AKAP8L: variants seen among roughly 807,000 people sequenced by gnomAD.
The protein encoded by AKAP8L is A-kinase anchoring protein 8 like.
In AKAP8L, 34 loss-of-function variants were observed where a neutral mutation model predicts 77.5. The ratio of observed to expected loss-of-function variants is 0.44; its 90% CI spans 0.33 to 0.58. AKAP8L has a LOEUF of 0.58. Ranked by LOEUF, AKAP8L falls within the 20% of genes least tolerant of loss-of-function variation. The pLI is 0.02. For missense variants in AKAP8L, 806 were observed against 887.6 expected (o/e 0.91, Z 1.17); for synonymous variants, 342 against 340.7 (o/e 1.00, Z -0.04).
Position 15,400,523 on chromosome 19 carries a change from A to G in AKAP8L, c.985-165T>C, listed in dbSNP as rs1465848653. ...GGCCCAGAGTAGCCCAGTTATTTAC[A>G]ATGGCTTTAAATGACAAGGCCCGGC... is the stretch of plus-strand genomic sequence containing the variant. On this transcript the variant is annotated intron_variant, in intron 7 of 13. Transcript: ENST00000397410. The G allele has an allele frequency of 8.0e-6, 6 of 746,076 alleles. No homozygotes were observed. The Admixed American group carries it at 1.7e-4, about 21-fold the overall frequency. 46.2% of individuals were successfully genotyped at this position (746,076 alleles called of 1,614,324 possible).
intron 12 of AKAP8L, among the ~76,000 whole-genome samples, chr19:15,384,852 T>C (rs1462593168): frequency 6.6e-6 from 1 of 152,198 alleles, no homozygotes. Context: ...GTTTGCATTA[T>C]ACCAATAATA....
chr19:15,400,460 G>T, intron 7 of AKAP8L, 102 bp from the exon 8 acceptor site: 1 of 1,191,150 alleles, frequency 8.4e-7, no homozygotes, highest in Non-Finnish European at 1.2e-6. Context: ...ACAGCTGCTT[G>T]CTCCATAGAC....
rs1369370460 is a variant in AKAP8L at position 15,399,038 on chromosome 19, G to A, written c.1157+264C>T. On this transcript the variant is annotated intron_variant, in intron 9 of 13. Transcript: ENST00000397410. The surrounding 1 kb of genome is among the most constrained non-coding windows in gnomAD (Gnocchi z 6.1). ...GGGTTCGTGCGCCGAGTGACCTAGC[G>A]CCAGAGCTTCTGAGCAACGGTGCCG... 20 of 500,992 alleles carry A rather than the reference G, an allele frequency of 4.0e-5. No homozygotes were observed. Among genetic ancestry groups the A allele is most frequent in the South Asian group, 1.4e-4 (7 of 48,504 alleles). 31.0% of individuals were successfully genotyped at this position (500,992 alleles called of 1,614,324 possible).
chr19:15,418,950 A>G lies in AKAP8L; in HGVS notation c.-27T>C. 6.2e-7 allele frequency: 1 copy of G among 1,604,348 alleles called. No individual in the cohort carries two copies. The highest frequency in any genetic ancestry group is 1.1e-5 in the South Asian group (1 of 90,986). On this transcript the variant is annotated 5_prime_UTR_variant, in exon 1 of 14. Coordinates refer to ENST00000397410, the MANE Select transcript of AKAP8L (RefSeq NM_014371.4). Reference sequence around the variant, plus strand: ...GTGGCGGGCAACACAACATCCGACGACGCCGGCTTCTGCTGCTCTGAACAT... The same window carrying G: ...GTGGCGGGCAACACAACATCCGACGGCGCCGGCTTCTGCTGCTCTGAACAT...
chr19:15,396,119 GA>G (rs1281740420), intron 12 of AKAP8L, among the ~76,000 whole-genome samples: 1 of 151,790 alleles, frequency 6.6e-6, no homozygotes, highest in East Asian at 1.9e-4. Flanking sequence ...TGCAACCAGA[GA>G]GACCCCTGAC....
intron 12 of AKAP8L, among the ~76,000 whole-genome samples, chr19:15,384,199 G>C (rs984108825): frequency 6.6e-6 from 1 of 151,578 alleles, no homozygotes; most frequent in Non-Finnish European, 1.5e-5. Context: ...CCAAAGTGCT[G>C]GGATTATAGG....
At chr19:15,387,810 T>C (rs1025815229) in intron 12 of AKAP8L, among the ~76,000 whole-genome samples, 2 of 152,074 alleles carry the variant, frequency 1.3e-5, no homozygotes, top group Non-Finnish European at 1.5e-5. Context: ...AATACAAAAA[T>C]TAGCCGGGCG....
In AKAP8L at chr19:15,403,848, T is replaced by C; in HGVS notation, c.122-133A>G. 9.3e-7 allele frequency: 1 copy of C among 1,070,524 alleles called. No individual in the cohort carries two copies. Among genetic ancestry groups the C allele is most frequent in the Non-Finnish European group, 1.4e-6 (1 of 722,744 alleles). The allele number at this position is 1,070,524 out of a possible 1,614,324, so 66.3% of individuals were successfully genotyped here. The stretch of plus-strand genomic sequence containing the variant: ...GAAGACCCTAGCCACTGAAGCTAGA[T>C]GGGCCCTGGTCATTCTGATGAGGGC... On this transcript the variant is annotated intron_variant, in intron 3 of 13. Transcript: ENST00000397410. This position sits in a 1 kb window ranked among gnomAD's most constrained non-coding sequence, Gnocchi z 4.3.
intron 12 of AKAP8L, chr19:15,381,266 G>C (rs1207500478): frequency 6.5e-6 from 1 of 152,912 alleles, no homozygotes; most frequent in Non-Finnish European, 1.5e-5. Flanking sequence ...GGTGAAAAAT[G>C]GGAAAACACC....
In AKAP8L at chr19:15,399,581, G is replaced by A; in HGVS notation, c.1049-171C>T. On this transcript the variant is annotated intron_variant, in intron 8 of 13. Transcript: ENST00000397410. This position sits in a 1 kb window ranked among gnomAD's most constrained non-coding sequence, Gnocchi z 6.1. ...CTGGGTATCCTGGGCTGTGCAGGGAGTGGGTTTGGCCTAGGCCCCAAGGAG... is the reference window on the plus strand; with the variant it reads ...CTGGGTATCCTGGGCTGTGCAGGGAATGGGTTTGGCCTAGGCCCCAAGGAG... 3 of 630,888 alleles carry A rather than the reference G, an allele frequency of 4.8e-6. No individual in the cohort carries two copies. In the East Asian group the frequency reaches 8.3e-5, roughly 18 times the overall value. 39.1% of individuals were successfully genotyped at this position (630,888 alleles called of 1,614,324 possible).
At chr19:15,400,660 A>G in intron 7 of AKAP8L, 134 bp downstream of exon 7, 1 of 1,156,468 alleles carries the variant, frequency 8.6e-7, no homozygotes, top group Non-Finnish European at 1.3e-6. Context: ...CTGCCAGACC[A>G]CACTGCCTCC....
chr19:15,390,253 A>C (rs1967633192), intron 12 of AKAP8L, among the ~76,000 whole-genome samples: 3 of 151,940 alleles, frequency 2.0e-5, no homozygotes, highest in African/African-American at 7.3e-5. Flanking sequence ...CCGTCTCTAC[A>C]AAAAACTACC....
chr19:15,400,006 G>T, intron 8 of AKAP8L: 1 of 530,254 alleles, frequency 1.9e-6, no homozygotes, highest in Non-Finnish European at 3.4e-6. Flanking sequence ...AGGGCAGGGG[G>T]CGTGCCTGGG....
At chr19:15,383,558 A>G (rs1181368039) in intron 12 of AKAP8L, 1 of 152,234 alleles carries the variant, frequency 6.6e-6, no homozygotes, top group Non-Finnish European at 1.5e-5. Context: ...GGTTTCAGAT[A>G]AAATATCTGT....
intron 2 of AKAP8L, among the ~76,000 whole-genome samples, chr19:15,409,554 T>C (rs952777480): frequency 2.0e-5 from 3 of 152,176 alleles, no homozygotes; most frequent in African/African-American, 7.2e-5. Flanking sequence ...CAGATCTTGG[T>C]AGTAAAAGAA....
intron 12 of AKAP8L, among the ~76,000 whole-genome samples, chr19:15,391,917 C>T (rs1045831233): frequency 3.9e-5 from 6 of 152,138 alleles, no homozygotes. Context: ...CTCACTGCAA[C>T]CTCAACCTCA....
chr19:15,405,384 T>C (rs565143618), intron 2 of AKAP8L, among the ~76,000 whole-genome samples: 22 of 150,820 alleles, frequency 1.5e-4, no homozygotes, highest in African/African-American at 5.4e-4. Context: ...AAATACAAAA[T>C]TAGCCAGGCG....
At chr19:15,407,760 G>T (rs1319868696) in intron 2 of AKAP8L, among the ~76,000 whole-genome samples, 1 of 152,184 alleles carries the variant, frequency 6.6e-6, no homozygotes, top group Non-Finnish European at 1.5e-5. Flanking sequence ...CTGCACTCAT[G>T]AATCAGAAGA....
chr19:15,403,973 C>G lies in AKAP8L; in HGVS notation c.121+37G>C, dbSNP rs201351957. 6.5e-5 allele frequency: 105 copies of G among 1,612,478 alleles called. No individual in the cohort carries two copies. The African/African-American group carries it at 1.3e-3, about 20-fold the overall frequency. On this transcript the variant is annotated intron_variant, in intron 3 of 13. Transcript: ENST00000397410. The surrounding 1 kb of genome is among the most constrained non-coding windows in gnomAD (Gnocchi z 4.3). ...CAGAGAAACACAGCCAGGACAACCC[C>G]AAGGGACAGGACAGCAATCACAGGA...
Sources: allele counts gnomAD v4.1 joint callset (sites outside exome capture counted in the v4.1 genomes callset), GRCh38; gene constraint gnomAD v4.1.1; non-coding constraint Gnocchi (gnomAD v3.1); transcripts MANE v1.5; gene names NCBI Gene and HGNC (gene_info 2026-07-23, HGNC 2026-07-21).